NLGN1: variants seen among roughly 807,000 people sequenced by gnomAD.
The protein encoded by NLGN1 is neuroligin-1.
A neutral mutation model predicts 65.5 loss-of-function variants in NLGN1; 12 were observed. That is an observed-to-expected ratio of 0.18 (90% CI 0.12 to 0.30). NLGN1 has a LOEUF of 0.30. NLGN1 is among the 10% of genes least tolerant of loss of function. The probability of loss-of-function intolerance (pLI) is 1.00; values close to 1 mark genes in which losing one functional copy is unlikely to be tolerated. For synonymous variants in NLGN1, 350 were observed against 359.5 expected, an observed-to-expected ratio of 0.97 and a Z score of 0.30; for missense variants, 750 against 1,007.1, an observed-to-expected ratio of 0.74 and a Z score of 3.46.
chr3:174,122,303 A>G (rs1474987694), intron 4 of NLGN1, among the ~76,000 whole-genome samples: 1 of 152,166 alleles, frequency 6.6e-6, no homozygotes, highest in Non-Finnish European at 1.5e-5. Context: ...TAAAGTTTTA[A>G]CCCATTTGGA....
chr3:173,950,436 G>A (rs1747969927), intron 4 of NLGN1, among the ~76,000 whole-genome samples: 1 of 152,176 alleles, frequency 6.6e-6, no homozygotes, highest in Admixed American at 6.5e-5. Context: ...ACTTTCAATG[G>A]CAAGCGCTGA....
At chr3:173,661,005 A>G (rs1760843956) in intron 3 of NLGN1, among the ~76,000 whole-genome samples, 1 of 151,970 alleles carries the variant, frequency 6.6e-6, no homozygotes, top group Non-Finnish European at 1.5e-5. Flanking sequence ...ATAAAATATT[A>G]TCTGAAAAGA....
intron 4 of NLGN1, among the ~76,000 whole-genome samples, chr3:173,870,558 G>C (rs987531047): frequency 2.6e-5 from 4 of 152,144 alleles, no homozygotes; most frequent in Non-Finnish European, 4.4e-5. Flanking sequence ...TCAGTAAAAG[G>C]AGCATCCAGG....
chr3:173,880,840 T>C (rs2150924174), intron 4 of NLGN1, among the ~76,000 whole-genome samples: 1 of 152,270 alleles, frequency 6.6e-6, no homozygotes, highest in East Asian at 1.9e-4. Context: ...TGATGTTTGA[T>C]AGCATTTTAC....
At chr3:173,781,380 C>T (rs2150320557) in intron 3 of NLGN1, among the ~76,000 whole-genome samples, 1 of 152,142 alleles carries the variant, frequency 6.6e-6, no homozygotes, top group Middle Eastern at 3.4e-3. Flanking sequence ...TTCTCTTAAT[C>T]CTATGTCTTA....
chr3:173,490,571 A>G (rs958367096), intron 2 of NLGN1, among the ~76,000 whole-genome samples: 8 of 152,190 alleles, frequency 5.3e-5, no homozygotes, highest in African/African-American at 1.7e-4. Context: ...TGACTTGGCA[A>G]TGTGGGCTCT....
intron 4 of NLGN1, among the ~76,000 whole-genome samples, chr3:173,980,764 G>A (rs955167926): frequency 7.9e-5 from 12 of 152,084 alleles, no homozygotes; most frequent in African/African-American, 2.9e-4. Flanking sequence ...CTATTTTAAT[G>A]TACTTGGGCA....
At chr3:173,652,606 G>T (rs952304568) in intron 3 of NLGN1, among the ~76,000 whole-genome samples, 1 of 152,072 alleles carries the variant, frequency 6.6e-6, no homozygotes, top group African/African-American at 2.4e-5. Flanking sequence ...TGATCTATTT[G>T]TCTGTTTGTA....
At chr3:174,191,599 T>G (rs1232343883) in intron 4 of NLGN1, among the ~76,000 whole-genome samples, 2 of 152,176 alleles carry the variant, frequency 1.3e-5, no homozygotes, top group African/African-American at 2.4e-5. Flanking sequence ...TGCTGTTTGA[T>G]GGTGTGCCTG....
chr3:174,059,099 A>G (rs1020704185), intron 4 of NLGN1, among the ~76,000 whole-genome samples: 1 of 152,138 alleles, frequency 6.6e-6, no homozygotes, highest in African/African-American at 2.4e-5. Context: ...GTTTGGTGCT[A>G]ACTGGGCACC....
chr3:173,713,647 T>C (rs1486710555), intron 3 of NLGN1, among the ~76,000 whole-genome samples: 1 of 152,162 alleles, frequency 6.6e-6, no homozygotes, highest in Non-Finnish European at 1.5e-5. Flanking sequence ...TGGACAATTA[T>C]TTAAACTTTG....
intron 4 of NLGN1, among the ~76,000 whole-genome samples, chr3:174,226,199 AAAT>A (rs1277434415): frequency 6.6e-6 from 1 of 152,158 alleles, no homozygotes; most frequent in Non-Finnish European, 1.5e-5. Context: ...CACAGCTATG[AAAT>A]AATTATGAGT....
chr3:173,612,086 T>A (rs909095803), intron 3 of NLGN1, among the ~76,000 whole-genome samples: 1 of 152,038 alleles, frequency 6.6e-6, no homozygotes, highest in Non-Finnish European at 1.5e-5. Context: ...CTCCTATGAA[T>A]ACTCTTCTCC....
At chr3:173,798,166 C>G (rs1288886879) in intron 3 of NLGN1, among the ~76,000 whole-genome samples, 3 of 152,018 alleles carry the variant, frequency 2.0e-5, no homozygotes, top group African/African-American at 7.2e-5. Flanking sequence ...TTTGAGCTCA[C>G]ATTAATGATT....
chr3:173,576,730 A>G (rs919845329), intron 2 of NLGN1, among the ~76,000 whole-genome samples: 1 of 152,148 alleles, frequency 6.6e-6, no homozygotes, highest in African/African-American at 2.4e-5. Flanking sequence ...TCACATTTGC[A>G]AAGTCTCTTT....
At chr3:174,150,671 AT>A (rs1295759761) in intron 4 of NLGN1, among the ~76,000 whole-genome samples, 1 of 152,154 alleles carries the variant, frequency 6.6e-6, no homozygotes, top group Non-Finnish European at 1.5e-5. Context: ...TGCAGCTATC[AT>A]TAAAGGTCAT....
intron 2 of NLGN1, among the ~76,000 whole-genome samples, chr3:173,518,099 T>C (rs112913355): frequency 3.9e-5 from 6 of 152,316 alleles, no homozygotes; most frequent in African/African-American, 1.2e-4. Flanking sequence ...GTACTACTGG[T>C]CACGTTCCTA....
At chr3:173,889,584 T>C (rs1734960333) in intron 4 of NLGN1, among the ~76,000 whole-genome samples, 2 of 152,132 alleles carry the variant, frequency 1.3e-5, no homozygotes, top group South Asian at 4.1e-4. Flanking sequence ...TGTTGTTAAA[T>C]GATGTTTTAA....
upstream of NLGN1, chr3:173,396,685 T>TA (rs1716674786): frequency 6.6e-6 from 1 of 152,188 alleles, no homozygotes; most frequent in South Asian, 2.1e-4. Flanking sequence ...AAACGGGGCT[T>TA]AGAGAGAAAG....
Sources: gnomAD v4.1 joint callset for allele counts (sites outside exome capture counted in the v4.1 genomes callset) on GRCh38, gnomAD v4.1.1 for gene constraint, MANE v1.5 for transcripts, NCBI Gene and HGNC (gene_info 2026-07-23, HGNC 2026-07-21) for gene names.